Variants in TEKT1 observed in about 807,000 individuals in gnomAD.
The protein encoded by TEKT1 is tektin 1.
In TEKT1, 32 loss-of-function variants were observed where a neutral mutation model predicts 34.8. The ratio of observed to expected loss-of-function variants is 0.92; its 90% CI spans 0.69 to 1.23. The LOEUF is 1.23. TEKT1 is among the 50% of genes most tolerant of loss of function. TEKT1 has a pLI of 0.00. For missense variants in TEKT1, 492 were observed against 518.5 expected (o/e 0.95, Z 0.50); for synonymous variants, 207 against 199.8 (o/e 1.04, Z -0.30).
rs142185522 is a variant in TEKT1, at chr17:6,815,246, C to G, written c.546G>C (p.Leu182=). 1 of 1,614,242 alleles carries G rather than the reference C, an allele frequency of 6.2e-7. No individual in the cohort carries two copies. The highest frequency in any genetic ancestry group is 2.2e-5 in the East Asian group (1 of 44,882). Residue 182 remains leucine (L), a synonymous_variant, in exon 5 of 8, where the codon CTG becomes CTC. Transcript: ENST00000338694. ...EKDLKDKFVA[L]TIDDICFSLN... is the part of the protein sequence containing the mutation. ...GCGAGAAGCAGATATCATCTATGGT[C>G]AGGGCCACAAACTTGTCCTTCAAAT... is the stretch of plus-strand genomic sequence containing the variant.
intron 6 of TEKT1, among the ~76,000 whole-genome samples, chr17:6,804,892 T>C (rs974438196): frequency 6.6e-6 from 1 of 152,222 alleles, no homozygotes; most frequent in Non-Finnish European, 1.5e-5. Context: ...TTTGCATCAA[T>C]GTTCATCAGG....
In TEKT1 at chr17:6,812,845, C is replaced by T. The variant is rs200868949; in HGVS notation, c.838G>A (p.Asp280Asn). 16 of 1,613,664 alleles carry T rather than the reference C, an allele frequency of 9.9e-6. No individual in the cohort carries two copies. The highest frequency in any genetic ancestry group is 1.7e-4 in the Middle Eastern group (1 of 6,022). Residue 280 changes from aspartate to asparagine, a missense_variant, in exon 6 of 8, where the codon GAT (aspartate) becomes AAT (asparagine). By Grantham distance (23) the Asp-to-Asn change is conservative. Transcript: ENST00000338694. ...DTKDARDKLA[D>N]HLAKVMEEIA... ...AGGGACCTCACCTTGGCCAGATGATCAGCCAGCTTGTCCCTGGCATCCTTT... is the reference window on the plus strand; with the variant it reads ...AGGGACCTCACCTTGGCCAGATGATTAGCCAGCTTGTCCCTGGCATCCTTT...
At chr17:6,823,538 T>G (rs181708682) in intron 2 of TEKT1, among the ~76,000 whole-genome samples, 1 of 152,314 alleles carries the variant, frequency 6.6e-6, no homozygotes, top group East Asian at 1.9e-4. Flanking sequence ...TGTTATTAAT[T>G]CTTTACTGCT....
At chr17:6,828,852 C>T (rs1904483039) in intron 2 of TEKT1, among the ~76,000 whole-genome samples, 1 of 151,842 alleles carries the variant, frequency 6.6e-6, no homozygotes. Context: ...AGAACGCTAC[C>T]TTTTAAATAC....
intron 2 of TEKT1, among the ~76,000 whole-genome samples, chr17:6,828,507 T>C (rs2151593020): frequency 6.6e-6 from 1 of 152,310 alleles, no homozygotes; most frequent in Admixed American, 6.5e-5. Flanking sequence ...AATTCCTGCT[T>C]TCCAGATTTT....
At chr17:6,824,176 C>G (rs1196797566) in intron 2 of TEKT1, among the ~76,000 whole-genome samples, 1 of 152,120 alleles carries the variant, frequency 6.6e-6, no homozygotes, top group Non-Finnish European at 1.5e-5. Flanking sequence ...ATTCTTCCAC[C>G]TGAACTTATG....
Position 6,819,221 on chromosome 17 carries a change from GC to G in TEKT1, c.327del (p.Leu109PhefsTer28). 2 of 1,613,850 alleles carry G rather than the reference GC, an allele frequency of 1.2e-6. No homozygotes were observed. The highest frequency in any genetic ancestry group is 4.5e-5 in the East Asian group (2 of 44,864). ...EKALETLKEP[L>X]HITETCLAYR... ...TATGCCAGGCATGTCTCAGTGATGTGCAAGGGCTCTTTCAAGGTCTCCAGGG... is the reference window on the plus strand; with the variant it reads ...TATGCCAGGCATGTCTCAGTGATGTGAAGGGCTCTTTCAAGGTCTCCAGGG... On this transcript the variant is annotated frameshift_variant, in exon 3 of 8. Transcript: ENST00000338694. LOFTEE classifies it high-confidence loss of function.
intron 5 of TEKT1, 100 bp downstream of exon 5, chr17:6,815,063 T>G: frequency 6.8e-7 from 1 of 1,469,826 alleles, no homozygotes; most frequent in Non-Finnish European, 9.2e-7. Context: ...AGCCCACCAC[T>G]TCCAAGCTCT....
intron 5 of TEKT1, among the ~76,000 whole-genome samples, chr17:6,813,295 C>T (rs1360647562): frequency 6.6e-6 from 1 of 152,044 alleles, no homozygotes; most frequent in Non-Finnish European, 1.5e-5. Context: ...GCCAAGTGAG[C>T]TAACTTTTCT....
intron 6 of TEKT1, among the ~76,000 whole-genome samples, chr17:6,809,193 G>T (rs895037791): frequency 6.6e-6 from 1 of 151,928 alleles, no homozygotes; most frequent in African/African-American, 2.4e-5. Flanking sequence ...TTTACATTAG[G>T]GTTCACTCTT....
chr17:6,826,349 G>T (rs1443691372), intron 2 of TEKT1, among the ~76,000 whole-genome samples: 1 of 152,078 alleles, frequency 6.6e-6, no homozygotes, highest in Non-Finnish European at 1.5e-5. Context: ...TTTGGATATG[G>T]ATTTGTCAGA....
rs534798293 is a variant in TEKT1 at position 6,825,773 on chromosome 17, G to C, written c.190+4414C>G. On this transcript the variant is annotated intron_variant, in intron 2 of 7. Coordinates refer to ENST00000338694, the MANE Select transcript of TEKT1 (RefSeq NM_053285.2). ...ACTCAGCATCTTACTAAGTTTGTAA[G>C]ATTCATCAGTAGTGTTGTATATAGC... is the stretch of plus-strand genomic sequence containing the variant. Among the ~76,000 whole-genome samples the C allele has an allele frequency of 3.5e-4, 53 of 152,186 alleles. 1 individual carries two copies. Among genetic ancestry groups the C allele is most frequent in the Non-Finnish European group, 7.2e-4 (49 of 68,030 alleles).
At chr17:6,819,383 C>A in intron 2 of TEKT1, 25 bp from the exon 3 acceptor site, 5 of 1,594,816 alleles carry the variant, frequency 3.1e-6, no homozygotes, top group South Asian at 1.2e-5. Context: ...GAAGTTACAC[C>A]AGGGCTAATC....
At position 6,799,863 on chromosome 17, in the gene TEKT1, A is replaced by G; in HGVS notation, c.*164T>C. 3.4e-6 allele frequency: 2 copies of G among 594,756 alleles called. No homozygotes were observed. The highest frequency in any genetic ancestry group is 2.6e-5 in the South Asian group (1 of 39,156). The allele number at this position is 594,756 out of a possible 1,614,324, so 36.8% of individuals were successfully genotyped here. A position where few individuals can be genotyped will look rare whatever the true frequency, so the allele number is the denominator to read the frequency against. The stretch of plus-strand genomic sequence containing the variant: ...TAGGCAAACACCACACCAGCATAAG[A>G]GAAGAAACTCGCCCCAAAATCAGCC... On this transcript the variant is annotated 3_prime_UTR_variant, in exon 8 of 8. Transcript: ENST00000338694.
At chr17:6,828,743 C>T (rs949195663) in intron 2 of TEKT1, among the ~76,000 whole-genome samples, 6 of 151,954 alleles carry the variant, frequency 3.9e-5, no homozygotes, top group African/African-American at 7.3e-5. Flanking sequence ...GGCATTTAGC[C>T]GACGTTGGTT....
At chr17:6,827,552 C>T (rs917336432) in intron 2 of TEKT1, among the ~76,000 whole-genome samples, 1 of 152,148 alleles carries the variant, frequency 6.6e-6, no homozygotes, top group African/African-American at 2.4e-5. Flanking sequence ...CATGAGCCAC[C>T]ACACTCAGCC....
chr17:6,823,324 C>A (rs1977118763), intron 2 of TEKT1, among the ~76,000 whole-genome samples: 1 of 152,110 alleles, frequency 6.6e-6, no homozygotes, highest in Non-Finnish European at 1.5e-5. Context: ...TGTTCTCTAC[C>A]CAGCCTGATT....
At chr17:6,830,464 G>A in intron 1 of TEKT1, 71 bp from the exon 2 acceptor site, 1 of 1,070,932 alleles carries the variant, frequency 9.3e-7, no homozygotes, top group Non-Finnish European at 1.3e-6. Flanking sequence ...TTTTATTCAA[G>A]GATGACATAT....
chr17:6,801,633 A>G (rs11078651), intron 6 of TEKT1, among the ~76,000 whole-genome samples: 13,329 of 152,084 alleles, frequency 0.088, 695 homozygotes, highest in Middle Eastern at 0.19. Context: ...GCTTGAACCC[A>G]GGAGGCGGAG....
Sources: allele counts gnomAD v4.1 joint callset (sites outside exome capture counted in the v4.1 genomes callset), GRCh38; gene constraint gnomAD v4.1.1; transcripts MANE v1.5; gene names NCBI Gene and HGNC (gene_info 2026-07-23, HGNC 2026-07-21).